ABI3BP: variants seen among roughly 807,000 people sequenced by gnomAD.
ABI3BP encodes ABI family member 3 binding protein.
ABI3BP carries 216 observed loss-of-function variants against 268.6 expected under a neutral mutation model. That is an observed-to-expected ratio of 0.80 (90% CI 0.72 to 0.90). ABI3BP has a LOEUF of 0.90. ABI3BP is among the 40% of genes least tolerant of loss of function. ABI3BP has a pLI of 0.00. For synonymous variants in ABI3BP, 730 were observed against 730.0 expected (o/e 1.00, Z 0.00); for missense variants, 2,090 against 2,182.4 (o/e 0.96, Z 0.84).
At chr3:100,973,165 T>C (rs1449321) in intron 1 of ABI3BP, among the ~76,000 whole-genome samples, 84,827 of 152,056 alleles carry the variant, frequency 0.56, 24,297 homozygotes, top group East Asian at 0.89. Flanking sequence ...AAATGTGAGT[T>C]AGATAAGCTT....
chr3:100,972,769 A>C (rs1489196136), intron 1 of ABI3BP, among the ~76,000 whole-genome samples: 1 of 152,202 alleles, frequency 6.6e-6, no homozygotes, highest in Non-Finnish European at 1.5e-5. Context: ...TACGGAACAG[A>C]AGTAGCAAAT....
chr3:100,856,176 G>T (rs1264630013), intron 14 of ABI3BP, among the ~76,000 whole-genome samples: 1 of 152,134 alleles, frequency 6.6e-6, no homozygotes, highest in Non-Finnish European at 1.5e-5. Flanking sequence ...TAATAAATGA[G>T]CATGTCCTTA....
chr3:100,911,749 G>A (rs915315175), intron 2 of ABI3BP: 37 of 935,704 alleles, frequency 4.0e-5, no homozygotes, highest in African/African-American at 2.3e-4. Flanking sequence ...TGTTTCAGTC[G>A]ATGAGTAGCG....
At chr3:100,857,638 C>T (rs1048149017) in intron 14 of ABI3BP, among the ~76,000 whole-genome samples, 9 of 152,174 alleles carry the variant, frequency 5.9e-5, no homozygotes, top group Non-Finnish European at 1.2e-4. Flanking sequence ...AAAGGCTGTT[C>T]TCAAATTTTC....
Position 100,871,535 on chromosome 3 carries a change from C to T in ABI3BP, c.910+3306G>A, listed in dbSNP as rs114970749. 2.2e-3 allele frequency among the ~76,000 whole-genome samples: 328 copies of T among 152,210 alleles called. 4 individuals carry two copies. The highest frequency in any genetic ancestry group is 7.5e-3 in the African/African-American group (311 of 41,518). ...ATTGAATCATCAGGGCAGGTCTTTCCCATGCTATTCTCGTGATAGTGAATA... is the reference window on the plus strand; with the variant it reads ...ATTGAATCATCAGGGCAGGTCTTTCTCATGCTATTCTCGTGATAGTGAATA... On this transcript the variant is annotated intron_variant, in intron 9 of 67. Transcript: ENST00000471714.
At chr3:100,803,319 GT>G (rs1220830166) in intron 51 of ABI3BP, among the ~76,000 whole-genome samples, 1,822 of 131,304 alleles carry the variant, frequency 0.014, 96 homozygotes, top group African/African-American at 0.042. Context: ...ATTAAGGCAA[GT>G]TTTTTTTTTT....
intron 14 of ABI3BP, among the ~76,000 whole-genome samples, chr3:100,857,586 A>C (rs1462214827): frequency 6.6e-6 from 1 of 152,198 alleles, no homozygotes; most frequent in African/African-American, 2.4e-5. Flanking sequence ...CATATCTGGA[A>C]GGCACATGGC....
chr3:100,874,202 G>A (rs1325690411), intron 9 of ABI3BP, among the ~76,000 whole-genome samples: 1 of 152,030 alleles, frequency 6.6e-6, no homozygotes, highest in African/African-American at 2.4e-5. Flanking sequence ...GGTGGGGGGT[G>A]GTGGGCAGCA....
chr3:100,804,985 G>T, intron 50 of ABI3BP, 119 bp from the exon 51 acceptor site: 1 of 783,476 alleles, frequency 1.3e-6, no homozygotes, highest in Non-Finnish European at 2.2e-6. Context: ...TTAGAGAGAA[G>T]ACAGAAGAAG....
intron 60 of ABI3BP, 106 bp from the exon 61 acceptor site, chr3:100,774,779 G>T: frequency 1.1e-6 from 1 of 899,620 alleles, no homozygotes; most frequent in East Asian, 2.7e-5. Context: ...CTTGTAAACT[G>T]CTTGCAGTTT....
chr3:100,956,214 AACACACACACACACAC>A lies in ABI3BP; in HGVS notation c.80-29749_80-29734del, dbSNP rs58723365. On this transcript the variant is annotated intron_variant, in intron 1 of 67. Coordinates refer to ENST00000471714, the MANE Select transcript of ABI3BP (RefSeq NM_001375547.2). ...TGTCTCAAAAAAAAAAAAGAAAAAC[AACACACACACACACAC>A]ACACACACACACACACACACACACA... 1.4e-3 allele frequency among the ~76,000 whole-genome samples: 182 copies of A among 133,738 alleles called. 1 individual carries two copies. The highest frequency in any genetic ancestry group is 0.013 in the East Asian group (59 of 4,526). The allele number at this position is 133,738 out of a possible 152,430, so 87.7% of individuals were successfully genotyped here.
intron 2 of ABI3BP, among the ~76,000 whole-genome samples, chr3:100,925,072 G>C (rs924836651): frequency 6.6e-6 from 1 of 151,976 alleles, no homozygotes; most frequent in African/African-American, 2.4e-5. Context: ...TCAGTTTTTT[G>C]GTAACAAACT....
At chr3:100,844,795 T>C (rs2098748833) in intron 20 of ABI3BP, among the ~76,000 whole-genome samples, 1 of 152,206 alleles carries the variant, frequency 6.6e-6, no homozygotes, top group Non-Finnish European at 1.5e-5. Context: ...TGGATTTTCT[T>C]TGATGATTAG....
chr3:100,815,165 C>T (rs1340045170), intron 44 of ABI3BP, among the ~76,000 whole-genome samples: 2 of 152,054 alleles, frequency 1.3e-5, no homozygotes, highest in Non-Finnish European at 2.9e-5. Flanking sequence ...TCTTAGGTTG[C>T]TATAGTGTTT....
chr3:100,902,624 A>G lies in ABI3BP; in HGVS notation c.322T>C (p.Cys108Arg). 1 of 1,613,892 alleles carries G rather than the reference A, an allele frequency of 6.2e-7. No individual in the cohort carries two copies. Among genetic ancestry groups the G allele is most frequent in the Non-Finnish European group, 8.5e-7 (1 of 1,179,792 alleles). ...PAPPPSQKKSCSGKTRSRKPL... is the reference protein window; with the variant it reads ...PAPPPSQKKSRSGKTRSRKPL... Reference sequence around the variant, plus strand: ...TCAATGCAAAGGACTATACCTGAACATGACTTCTTTTGACTTGGAGGTGGA... The same window carrying G: ...TCAATGCAAAGGACTATACCTGAACGTGACTTCTTTTGACTTGGAGGTGGA... The change falls in exon 3 of 68, where the codon TGT becomes CGT. Residue 108 changes from cysteine to arginine, a missense_variant. Coordinates refer to ENST00000471714, the MANE Select transcript of ABI3BP (RefSeq NM_001375547.2).
intron 2 of ABI3BP, among the ~76,000 whole-genome samples, chr3:100,915,933 C>T (rs150861359): frequency 2.9e-4 from 44 of 152,336 alleles, no homozygotes; most frequent in Middle Eastern, 6.8e-3. Flanking sequence ...CCTGATACCA[C>T]AAATGTTTAA....
chr3:100,845,645 A>T (rs1000507450), intron 20 of ABI3BP, among the ~76,000 whole-genome samples: 2 of 137,866 alleles, frequency 1.5e-5, no homozygotes, highest in Non-Finnish European at 3.3e-5. Flanking sequence ...AGGGTTTAAA[A>T]TTTAGATAAT....
At chr3:100,832,155 T>C (rs2098504704) in intron 31 of ABI3BP, 109 bp downstream of exon 31, 1 of 1,045,524 alleles carries the variant, frequency 9.6e-7, no homozygotes, top group African/African-American at 1.6e-5. Context: ...TAGCTTTTAC[T>C]CTTAAGAGAT....
chr3:100,864,923 CACA>C lies in ABI3BP; in HGVS notation c.989-19_989-17del, dbSNP rs1581067777. ...TCAGGAGTCACTGAAAGGTAAAAAG[CACA>C]ACTTTACAAATTAAGATAAAGTGAA... is the stretch of plus-strand genomic sequence containing the variant. On this transcript the variant is annotated splice_polypyrimidine_tract_variant and intron_variant, in intron 10 of 67. Transcript: ENST00000471714. The C allele has an allele frequency of 1.3e-6, 2 of 1,584,056 alleles. No individual in the cohort carries two copies.
Sources: gnomAD v4.1 joint callset for allele counts (sites outside exome capture counted in the v4.1 genomes callset) on GRCh38, gnomAD v4.1.1 for gene constraint, MANE v1.5 for transcripts, NCBI Gene and HGNC (gene_info 2026-07-23, HGNC 2026-07-21) for gene names.